The following KCNMA1 variants were observed in gnomAD, a reference collection of about 807,000 sequenced individuals.
KCNMA1 encodes the protein potassium calcium-activated channel subfamily M alpha 1.
In KCNMA1, 29 loss-of-function variants were observed where a neutral mutation model predicts 140.0. The ratio of observed to expected loss-of-function variants is 0.21; its 90% CI spans 0.15 to 0.28. The LOEUF is 0.28. Ranked by LOEUF, KCNMA1 falls within the 10% of genes least tolerant of loss-of-function variation. The pLI is 1.00. For synonymous variants in KCNMA1, 612 were observed against 611.9 expected (o/e 1.00, Z 0.00); for missense variants, 880 against 1,602.2 (o/e 0.55, Z 7.70).
At chr10:77,047,601 T>TC (rs544021339) in intron 14 of KCNMA1, among the ~76,000 whole-genome samples, 7 of 151,874 alleles carry the variant, frequency 4.6e-5, no homozygotes, top group Admixed American at 3.9e-4. Flanking sequence ...TTTTTTTTTT[T>TC]TTTTAACACA....
intron 1 of KCNMA1, among the ~76,000 whole-genome samples, chr10:77,616,814 A>AT (rs1452858820): frequency 2.6e-5 from 4 of 152,152 alleles, no homozygotes; most frequent in Non-Finnish European, 4.4e-5. Flanking sequence ...TCAAAAAAAA[A>AT]AAAAAGCCAA....
chr10:77,310,095 A>G (rs2078870920), intron 2 of KCNMA1, among the ~76,000 whole-genome samples: 1 of 152,064 alleles, frequency 6.6e-6, no homozygotes, highest in Admixed American at 6.6e-5. Context: ...GCATGGGGGG[A>G]CATGAGTGGC....
chr10:76,996,387 T>C (rs2084333545), intron 19 of KCNMA1, among the ~76,000 whole-genome samples: 1 of 152,210 alleles, frequency 6.6e-6, no homozygotes, highest in Admixed American at 6.5e-5. Context: ...CTGCTACCAA[T>C]AAGAGTGTCT....
At chr10:77,247,040 A>G (rs2154245829) in intron 3 of KCNMA1, among the ~76,000 whole-genome samples, 1 of 152,368 alleles carries the variant, frequency 6.6e-6, no homozygotes, top group South Asian at 2.1e-4. Flanking sequence ...TTACTCTGCA[A>G]ACAGCAGGTA....
intron 10 of KCNMA1, among the ~76,000 whole-genome samples, chr10:77,088,707 G>T (rs138864709): frequency 4.2e-4 from 64 of 152,334 alleles, no homozygotes; most frequent in African/African-American, 1.5e-3. Context: ...GGGATTACAA[G>T]CATGAGCAAC....
intron 2 of KCNMA1, among the ~76,000 whole-genome samples, chr10:77,338,056 T>A (rs1005581443): frequency 2.0e-5 from 3 of 152,208 alleles, no homozygotes; most frequent in Non-Finnish European, 4.4e-5. Context: ...GGCGCCTCTC[T>A]TTACTAATAC....
intron 1 of KCNMA1, 57 bp downstream of exon 1, chr10:77,637,208 G>A (rs2093848447): frequency 5.4e-6 from 8 of 1,479,274 alleles, no homozygotes; most frequent in Non-Finnish European, 7.4e-6. Context: ...GGGCTGCAGG[G>A]GACGCCGAGA....
At chr10:77,407,646 C>A (rs2096515827) in intron 1 of KCNMA1, among the ~76,000 whole-genome samples, 1 of 152,182 alleles carries the variant, frequency 6.6e-6, no homozygotes, top group Non-Finnish European at 1.5e-5. Flanking sequence ...TGTACCTGCT[C>A]CAGAACTTCC....
chr10:77,021,320 A>G (rs2092817446), intron 16 of KCNMA1, among the ~76,000 whole-genome samples: 1 of 152,232 alleles, frequency 6.6e-6, no homozygotes, highest in Non-Finnish European at 1.5e-5. Context: ...AATAATCGCT[A>G]GCTTACAATG....
intron 9 of KCNMA1, among the ~76,000 whole-genome samples, chr10:77,095,580 G>A (rs796182244): frequency 3.9e-5 from 6 of 152,284 alleles, no homozygotes; most frequent in African/African-American, 1.4e-4. Context: ...TTCATGAGAA[G>A]AAGTTTGATG....
Position 77,569,159 on chromosome 10 carries a change from C to T in KCNMA1, c.378+68106G>A, listed in dbSNP as rs1169724527. Among the ~76,000 whole-genome samples the T allele has an allele frequency of 5.6e-5, 5 of 89,434 alleles. No homozygotes were observed. The East Asian group carries it at 1.6e-3, about 29-fold the overall frequency. 58.7% of individuals were successfully genotyped at this position (89,434 alleles called of 152,430 possible). On this transcript the variant is annotated intron_variant, in intron 1 of 27. Coordinates refer to ENST00000286628, the MANE Select transcript of KCNMA1 (RefSeq NM_001161352.2). ...CAATATCGTGAAAATGGCCATACTG[C>T]CCAAGGTAATTTACAGATTCAATGC... is the stretch of plus-strand genomic sequence containing the variant.
chr10:77,436,753 C>T (rs1403989287), intron 1 of KCNMA1, among the ~76,000 whole-genome samples: 1 of 152,150 alleles, frequency 6.6e-6, no homozygotes, highest in Non-Finnish European at 1.5e-5. Flanking sequence ...CTAAAACATA[C>T]CCCTCTGGCA....
At chr10:77,173,926 T>C (rs1025814115) in intron 5 of KCNMA1, among the ~76,000 whole-genome samples, 2 of 152,152 alleles carry the variant, frequency 1.3e-5, no homozygotes, top group Non-Finnish European at 2.9e-5. Flanking sequence ...AAATAGCTTA[T>C]AGGAGTTCAA....
At position 77,353,672 on chromosome 10, in the gene KCNMA1, G is replaced by C. The variant is rs1603349094; in HGVS notation, c.540+50190C>G. 3.9e-5 allele frequency among the ~76,000 whole-genome samples: 6 copies of C among 152,024 alleles called. No homozygotes were observed. In the South Asian group the frequency reaches 1.2e-3, roughly 32 times the overall value. On this transcript the variant is annotated intron_variant, in intron 2 of 27. Transcript: ENST00000286628. ...TAATCCTTACAACAACCTATAATGT[G>C]GACATTACTTGTATCAATATTTTAC...
intron 1 of KCNMA1, among the ~76,000 whole-genome samples, chr10:77,600,431 G>C (rs1296189989): frequency 6.6e-6 from 1 of 152,160 alleles, no homozygotes; most frequent in Non-Finnish European, 1.5e-5. Flanking sequence ...GTGGCTATCA[G>C]GACACAGAGA....
chr10:77,033,246 C>T (rs188441034), intron 15 of KCNMA1, among the ~76,000 whole-genome samples: 5 of 152,104 alleles, frequency 3.3e-5, no homozygotes, highest in African/African-American at 9.7e-5. Flanking sequence ...CGCTAGAAAT[C>T]GAAATATCCA....
At chr10:77,339,879 AC>A (rs1415737968) in intron 2 of KCNMA1, among the ~76,000 whole-genome samples, 1 of 152,166 alleles carries the variant, frequency 6.6e-6, no homozygotes, top group East Asian at 1.9e-4. Context: ...CTTGAAATGG[AC>A]CCAAAGTCTG....
chr10:77,628,426 C>T (rs1442416788), intron 1 of KCNMA1, among the ~76,000 whole-genome samples: 2 of 152,222 alleles, frequency 1.3e-5, no homozygotes, highest in South Asian at 2.1e-4. Flanking sequence ...GAGGCCAAGG[C>T]GGGTGGATCA....
intron 2 of KCNMA1, among the ~76,000 whole-genome samples, chr10:77,328,149 T>G (rs2084934318): frequency 6.6e-6 from 1 of 152,240 alleles, no homozygotes; most frequent in South Asian, 2.1e-4. Flanking sequence ...CCCCAAGATT[T>G]GTTGTTGGGA....
Sources: allele counts gnomAD v4.1 joint callset (sites outside exome capture counted in the v4.1 genomes callset), GRCh38; gene constraint gnomAD v4.1.1; transcripts MANE v1.5; gene names NCBI Gene and HGNC (gene_info 2026-07-23, HGNC 2026-07-21).